CACNA2D3: variants seen among roughly 807,000 people sequenced by gnomAD.
CACNA2D3 encodes the protein voltage-dependent calcium channel subunit alpha-2/delta-3.
CACNA2D3 carries 60 observed loss-of-function variants against 160.6 expected under a neutral mutation model. The observed-to-expected ratio is 0.37, with a 90% CI of 0.30 to 0.46. The LOEUF is 0.46. Among genes scored for constraint, CACNA2D3 ranks in the 20% least tolerant of loss-of-function variants. The pLI is 1.00. For synonymous variants in CACNA2D3, 558 were observed against 492.9 expected, an observed-to-expected ratio of 1.13 and a Z score of -1.75; for missense variants, 1,205 against 1,365.0, an observed-to-expected ratio of 0.88 and a Z score of 1.85.
At chr3:54,624,882 C>T (rs1034673396) in intron 9 of CACNA2D3, among the ~76,000 whole-genome samples, 3 of 152,334 alleles carry the variant, frequency 2.0e-5, no homozygotes, top group African/African-American at 2.4e-5. Flanking sequence ...CCTAAGTCCT[C>T]ATGGTGGTCA....
At chr3:54,686,145 CAAG>C (rs1700445410) in intron 11 of CACNA2D3, among the ~76,000 whole-genome samples, 1 of 152,200 alleles carries the variant, frequency 6.6e-6, no homozygotes, top group Non-Finnish European at 1.5e-5. Context: ...ATCTGTGGGC[CAAG>C]TCTGGCCTGC....
chr3:54,464,228 G>A (rs1353233224), intron 4 of CACNA2D3, among the ~76,000 whole-genome samples: 2 of 152,212 alleles, frequency 1.3e-5, no homozygotes, highest in Non-Finnish European at 2.9e-5. Flanking sequence ...AGGGGTCAGG[G>A]ACCCACTTGA....
intron 4 of CACNA2D3, among the ~76,000 whole-genome samples, chr3:54,481,790 G>T (rs1700937195): frequency 6.6e-6 from 1 of 152,158 alleles, no homozygotes; most frequent in South Asian, 2.1e-4. Context: ...TATGCTTTGA[G>T]AGGTTAAGCA....
chr3:54,822,779 TTTCTTTCTTTC>T (rs1703647288), intron 14 of CACNA2D3, among the ~76,000 whole-genome samples: 5 of 87,952 alleles, frequency 5.7e-5, no homozygotes, highest in South Asian at 4.1e-4. Context: ...TCTTTCTTTC[TTTCTTTCTTTC>T]CTTTCTTTCT....
At chr3:55,001,393 T>C (rs775525552) in intron 31 of CACNA2D3, among the ~76,000 whole-genome samples, 7 of 152,242 alleles carry the variant, frequency 4.6e-5, no homozygotes, top group East Asian at 1.9e-4. Context: ...CCAATACTTA[T>C]AACAGCAGCT....
chr3:54,511,441 T>C (rs1489322439), intron 5 of CACNA2D3, among the ~76,000 whole-genome samples: 2 of 152,236 alleles, frequency 1.3e-5, no homozygotes, highest in African/African-American at 4.8e-5. Flanking sequence ...AATCCTCTTA[T>C]TACAGGCCAT....
intron 35 of CACNA2D3, among the ~76,000 whole-genome samples, chr3:55,026,991 G>GCACACACACA (rs57849063): frequency 1.3e-5 from 2 of 150,926 alleles, no homozygotes; most frequent in African/African-American, 4.9e-5. Flanking sequence ...GCGCATGCAC[G>GCACACACACA]CACACACACA....
At chr3:54,727,316 A>C (rs1319879590) in intron 11 of CACNA2D3, among the ~76,000 whole-genome samples, 4 of 152,228 alleles carry the variant, frequency 2.6e-5, no homozygotes, top group African/African-American at 9.6e-5. Context: ...GTGGGAGTGT[A>C]AATTAGTTTA....
At chr3:54,792,529 G>A (rs1487394485) in intron 13 of CACNA2D3, among the ~76,000 whole-genome samples, 1 of 152,160 alleles carries the variant, frequency 6.6e-6, no homozygotes, top group Non-Finnish European at 1.5e-5. Flanking sequence ...GCCAAATGCT[G>A]TCAGGAATCT....
At chr3:54,230,561 CA>C (rs1399561188) in intron 2 of CACNA2D3, among the ~76,000 whole-genome samples, 3 of 152,130 alleles carry the variant, frequency 2.0e-5, no homozygotes, top group South Asian at 2.1e-4. Flanking sequence ...GAGTTAGACA[CA>C]GGGGATTCTA....
chr3:54,368,759 TGGCACGATCTC>T (rs1698870500), intron 3 of CACNA2D3, among the ~76,000 whole-genome samples: 1 of 138,840 alleles, frequency 7.2e-6, no homozygotes, highest in African/African-American at 2.6e-5. Context: ...TGTAGTGTAG[TGGCACGATCTC>T]GGCTCACTGC....
intron 11 of CACNA2D3, among the ~76,000 whole-genome samples, chr3:54,704,667 G>A (rs1575431650): frequency 2.0e-5 from 3 of 152,254 alleles, no homozygotes; most frequent in East Asian, 1.9e-4. Context: ...AACAAGAGGT[G>A]TTTAGGCCAA....
intron 8 of CACNA2D3, 61 bp from the exon 9 acceptor site, chr3:54,581,742 A>C: frequency 7.3e-7 from 1 of 1,370,020 alleles, no homozygotes; most frequent in Non-Finnish European, 1.0e-6. Flanking sequence ...TCCTTAAATT[A>C]TTAAGAAGTA....
At chr3:54,879,467 CA>C in intron 20 of CACNA2D3, 56 bp downstream of exon 20, 1 of 1,272,674 alleles carries the variant, frequency 7.9e-7, no homozygotes, top group Non-Finnish European at 1.1e-6. Flanking sequence ...TGTGTTTGTA[CA>C]AAACCTGCTG....
intron 5 of CACNA2D3, among the ~76,000 whole-genome samples, chr3:54,520,975 G>C (rs566480100): frequency 6.6e-6 from 1 of 152,126 alleles, no homozygotes; most frequent in South Asian, 2.1e-4. Flanking sequence ...ATATTCCATT[G>C]TACATAAATA....
intron 11 of CACNA2D3, among the ~76,000 whole-genome samples, chr3:54,750,192 G>A (rs1701831912): frequency 6.6e-6 from 1 of 152,136 alleles, no homozygotes; most frequent in Non-Finnish European, 1.5e-5. Flanking sequence ...TTATATGAAG[G>A]CTCTTCGTCT....
chr3:54,642,933 T>G (rs970190265), intron 11 of CACNA2D3, among the ~76,000 whole-genome samples: 13 of 152,130 alleles, frequency 8.5e-5, no homozygotes, highest in Non-Finnish European at 1.9e-4. Context: ...CAGCAAAATC[T>G]CTGGGGATGT....
intron 9 of CACNA2D3, among the ~76,000 whole-genome samples, chr3:54,602,646 A>G (rs1453920628): frequency 6.6e-6 from 1 of 152,164 alleles, no homozygotes; most frequent in East Asian, 1.9e-4. Context: ...TTTGTACTCA[A>G]ATTTCTTAGC....
At chr3:54,469,462 A>C (rs903015385) in intron 4 of CACNA2D3, among the ~76,000 whole-genome samples, 19 of 152,350 alleles carry the variant, frequency 1.2e-4, no homozygotes, top group African/African-American at 3.8e-4. Flanking sequence ...TAAATCCATG[A>C]AGATGAGGAA....
Sources: allele counts gnomAD v4.1 joint callset (sites outside exome capture counted in the v4.1 genomes callset), GRCh38; gene constraint gnomAD v4.1.1; transcripts MANE v1.5; gene names NCBI Gene and HGNC (gene_info 2026-07-23, HGNC 2026-07-21).